The following ATG10 variants were observed in gnomAD, a reference collection of about 807,000 sequenced individuals.
ATG10 encodes ubiquitin-like-conjugating enzyme ATG10.
In ATG10, 30 loss-of-function variants were observed where a neutral mutation model predicts 32.1. The ratio of observed to expected loss-of-function variants is 0.94; its 90% CI spans 0.70 to 1.27. The LOEUF is 1.27. Ranked by LOEUF, ATG10 falls within the 50% of genes most tolerant of loss-of-function variation. The pLI is 0.00. For synonymous variants in ATG10, 87 were observed against 91.5 expected (o/e 0.95, Z 0.28); for missense variants, 233 against 262.3 (o/e 0.89, Z 0.77).
intron 3 of ATG10, among the ~76,000 whole-genome samples, chr5:82,127,351 T>C (rs1766320835): frequency 6.6e-6 from 1 of 152,164 alleles, no homozygotes; most frequent in South Asian, 2.1e-4. Flanking sequence ...TCCTTGCTCC[T>C]CTAGTTCTTT....
At chr5:82,072,775 T>TG (rs1272547332) in intron 3 of ATG10, among the ~76,000 whole-genome samples, 1 of 152,336 alleles carries the variant, frequency 6.6e-6, no homozygotes, top group African/African-American at 2.4e-5. Context: ...TATAAGATGA[T>TG]GTAGTTTAGT....
At chr5:82,034,839 C>G (rs1056333577) in intron 2 of ATG10, among the ~76,000 whole-genome samples, 1 of 152,142 alleles carries the variant, frequency 6.6e-6, no homozygotes, top group Non-Finnish European at 1.5e-5. Flanking sequence ...CCTGCCCACC[C>G]TACGTAAAAT....
intron 3 of ATG10, among the ~76,000 whole-genome samples, chr5:82,119,949 TGAA>T (rs1326964849): frequency 2.0e-5 from 3 of 151,774 alleles, no homozygotes; most frequent in Non-Finnish European, 4.4e-5. Flanking sequence ...TAAAAACACT[TGAA>T]GAATTATTTG....
intron 3 of ATG10, among the ~76,000 whole-genome samples, chr5:82,086,616 A>C (rs1337196253): frequency 6.6e-6 from 1 of 152,180 alleles, no homozygotes; most frequent in African/African-American, 2.4e-5. Flanking sequence ...ATAGTTCAAG[A>C]GACCAACATG....
intron 3 of ATG10, among the ~76,000 whole-genome samples, chr5:82,070,601 C>CA (rs1764100669): frequency 6.6e-6 from 1 of 152,134 alleles, no homozygotes; most frequent in African/African-American, 2.4e-5. Flanking sequence ...TCAAGGTCCT[C>CA]AATGACATCA....
At position 82,255,362 on chromosome 5, in the gene ATG10, G is replaced by A; in HGVS notation, c.*1299G>A. Reference sequence around the variant, plus strand: ...AGGCTGTAAATAAGTTTCATAGCCAGTTAAGTATTAAGATAAACCTAACCT... The same window carrying A: ...AGGCTGTAAATAAGTTTCATAGCCAATTAAGTATTAAGATAAACCTAACCT... On this transcript the variant is annotated 3_prime_UTR_variant, in exon 8 of 8. Transcript: ENST00000282185. 1 of 152,190 alleles carries A rather than the reference G, an allele frequency of 6.6e-6. No homozygotes were observed. Among genetic ancestry groups the A allele is most frequent in the East Asian group, 1.9e-4 (1 of 5,190 alleles). The allele number at this position is 152,190 out of a possible 1,614,324, so 9.4% of individuals were successfully genotyped here.
chr5:82,211,758 T>C (rs1227142088), intron 5 of ATG10, among the ~76,000 whole-genome samples: 1 of 152,128 alleles, frequency 6.6e-6, no homozygotes, highest in East Asian at 1.9e-4. Flanking sequence ...CTCCCATATT[T>C]CAACTCTAGC....
At chr5:82,189,284 A>G (rs969939373) in intron 5 of ATG10, among the ~76,000 whole-genome samples, 7 of 152,246 alleles carry the variant, frequency 4.6e-5, no homozygotes, top group Non-Finnish European at 7.3e-5. Flanking sequence ...GCTTTCTAAA[A>G]TAACAAATAA....
intron 1 of ATG10, among the ~76,000 whole-genome samples, chr5:81,977,437 C>T (rs1236818015): frequency 6.6e-6 from 1 of 152,142 alleles, no homozygotes; most frequent in African/African-American, 2.4e-5. Flanking sequence ...CACTAAATGG[C>T]AATGGCAAAC....
intron 5 of ATG10, among the ~76,000 whole-genome samples, chr5:82,229,877 G>T (rs1008961481): frequency 6.6e-6 from 1 of 152,178 alleles, no homozygotes; most frequent in Non-Finnish European, 1.5e-5. Flanking sequence ...AATACCAAAG[G>T]ATGGCTGTAC....
At chr5:82,169,712 A>G (rs1336085244) in intron 4 of ATG10, among the ~76,000 whole-genome samples, 1 of 152,234 alleles carries the variant, frequency 6.6e-6, no homozygotes, top group Non-Finnish European at 1.5e-5. Context: ...ATGATAATGA[A>G]CCATAACATG....
At chr5:82,102,338 T>A (rs1340755012) in intron 3 of ATG10, among the ~76,000 whole-genome samples, 1 of 152,166 alleles carries the variant, frequency 6.6e-6, no homozygotes, top group African/African-American at 2.4e-5. Flanking sequence ...ATATTAGAGT[T>A]ATGACTTTTT....
At chr5:82,024,825 G>T (rs537273439) in intron 2 of ATG10, among the ~76,000 whole-genome samples, 1 of 152,336 alleles carries the variant, frequency 6.6e-6, no homozygotes, top group African/African-American at 2.4e-5. Context: ...AGGTCCATAT[G>T]CTGTAGTGAC....
intron 3 of ATG10, among the ~76,000 whole-genome samples, chr5:82,112,076 T>C (rs765726293): frequency 6.6e-5 from 10 of 152,118 alleles, no homozygotes; most frequent in Non-Finnish European, 1.3e-4. Context: ...GGTTTTATAA[T>C]AAGTAGTTAC....
chr5:82,053,661 T>C (rs1020727397), intron 2 of ATG10, among the ~76,000 whole-genome samples: 1 of 152,180 alleles, frequency 6.6e-6, no homozygotes, highest in Non-Finnish European at 1.5e-5. Flanking sequence ...GAGGAAGTAT[T>C]CTCTTTATAA....
rs71605823 is a variant in ATG10 at position 82,118,387 on chromosome 5, C to CATATATATATAT, written c.217-46005_217-45994dup. On this transcript the variant is annotated intron_variant, in intron 3 of 7. Coordinates refer to ENST00000282185, the MANE Select transcript of ATG10 (RefSeq NM_031482.5). ...TACAAATATACATATAATATATGTA[C>CATATATATATAT]ATATATATATATATATATGTATGTA... is the stretch of plus-strand genomic sequence containing the variant. 8.7e-4 allele frequency among the ~76,000 whole-genome samples: 70 copies of CATATATATATAT among 80,718 alleles called. 5 individuals are homozygous for CATATATATATAT. The highest frequency in any genetic ancestry group is 1.9e-3 in the African/African-American group (35 of 18,230). The allele number at this position is 80,718 out of a possible 152,430, so 53.0% of individuals were successfully genotyped here.
At chr5:82,190,481 G>A (rs966462973) in intron 5 of ATG10, among the ~76,000 whole-genome samples, 1 of 151,652 alleles carries the variant, frequency 6.6e-6, no homozygotes, top group Non-Finnish European at 1.5e-5. Context: ...TAATAGTTGT[G>A]TAGAATTCCG....
At chr5:82,107,354 G>C (rs1038885295) in intron 3 of ATG10, among the ~76,000 whole-genome samples, 3 of 151,956 alleles carry the variant, frequency 2.0e-5, no homozygotes, top group African/African-American at 4.8e-5. Flanking sequence ...ATTTCCAAAA[G>C]AACTCAGTGG....
At chr5:82,242,835 G>T (rs1164519076) in intron 5 of ATG10, 5 of 451,518 alleles carry the variant, frequency 1.1e-5, no homozygotes, top group African/African-American at 2.0e-5. Context: ...ATATTTCAGT[G>T]ACAAAGAATA....
Sources: gnomAD v4.1 joint callset for allele counts (sites outside exome capture counted in the v4.1 genomes callset) on GRCh38, gnomAD v4.1.1 for gene constraint, MANE v1.5 for transcripts, NCBI Gene and HGNC (gene_info 2026-07-23, HGNC 2026-07-21) for gene names.